Variants in PSG5 observed in about 807,000 individuals in gnomAD.
PSG5 encodes pregnancy-specific beta-1-glycoprotein 5.
Under a neutral mutation model 37.7 loss-of-function variants are expected in PSG5, and 53 were observed. The observed-to-expected ratio is 1.41, with a 90% CI of 1.13 to 1.77. The LOEUF (loss-of-function observed/expected upper bound fraction) is 1.77, where lower values mean the gene tolerates loss of function less well. Ranked by LOEUF, PSG5 falls within the 40% of genes most tolerant of loss-of-function variation. The pLI is 0.00. For missense variants in PSG5, 547 were observed against 405.2 expected (o/e 1.35, Z -3.00); for synonymous variants, 221 against 155.4 (o/e 1.42, Z -3.14).
In PSG5 at chr19:43,175,582, GC is replaced by G. The variant is rs1014269691; in HGVS notation, c.710-114del. On this transcript the variant is annotated intron_variant, in intron 3 of 5. Transcript: ENST00000342951. ...AGCCAAGACACACCCTCAAGTCCCA[GC>G]CGAACCCCCACTATATTCACTGAGC... 2.0e-6 allele frequency: 3 copies of G among 1,476,144 alleles called. 1 individual carries two copies. In the African/African-American group the frequency reaches 4.3e-5, roughly 21 times the overall value. The allele number at this position is 1,476,144 out of a possible 1,614,324, so 91.4% of individuals were successfully genotyped here. A position where few individuals can be genotyped will look rare whatever the true frequency, so the allele number is the denominator to read the frequency against.
rs762206056 is a variant in PSG5 at position 43,176,114 on chromosome 19, G to C, written c.465C>G (p.Asn155Lys). ...KLPKPYITINNSKPRENKDVL... is the reference protein window; with the variant it reads ...KLPKPYITINKSKPRENKDVL... ...CATCCTTATTCTCCCTGGGTTTTGA[G>C]TTGTTGATGGTGATGTAGGGCTTGG... The change falls in exon 3 of 6, where the codon AAC becomes AAG. Residue 155 changes from asparagine to lysine, a missense_variant. Asn to Lys is a moderately conservative substitution (Grantham distance 94). Transcript: ENST00000342951. The C allele has an allele frequency of 6.2e-7, 1 of 1,611,318 alleles. No individual in the cohort carries two copies. The highest frequency in any genetic ancestry group is 2.2e-5 in the East Asian group (1 of 44,878).
rs910315184 is a variant in PSG5 at position 43,185,433 on chromosome 19, C to T, written c.65-286G>A. Among the ~76,000 whole-genome samples the T allele has an allele frequency of 2.1e-5, 3 of 143,938 alleles. 1 individual carries two copies. Among genetic ancestry groups the T allele is most frequent in the Admixed American group, 6.9e-5 (1 of 14,526 alleles). The allele number at this position is 143,938 out of a possible 152,430, so 94.4% of individuals were successfully genotyped here. On this transcript the variant is annotated intron_variant, in intron 1 of 5. Transcript: ENST00000342951. Reference sequence around the variant, plus strand: ...TTCCCCAGGGGTCCACACGGCACCCCCCCCCCCCCACACTGCCCTCAGGTC... The same window carrying T: ...TTCCCCAGGGGTCCACACGGCACCCTCCCCCCCCCACACTGCCCTCAGGTC...
At chr19:43,178,395 A>T (rs1201717625) in intron 2 of PSG5, among the ~76,000 whole-genome samples, 1 of 151,742 alleles carries the variant, frequency 6.6e-6, no homozygotes, top group South Asian at 2.1e-4. Context: ...AGTGGGTGAG[A>T]GTCTGTGAGG....
chr19:43,179,854 T>G (rs1969091000), intron 2 of PSG5, among the ~76,000 whole-genome samples: 1 of 151,236 alleles, frequency 6.6e-6, no homozygotes, highest in Non-Finnish European at 1.5e-5. Flanking sequence ...CAAGAGCTGA[T>G]AGCTTTGGAC....
chr19:43,184,805 C>T lies in PSG5; in HGVS notation c.407G>A (p.Gly136Glu). 1 of 1,612,280 alleles carries T rather than the reference C, an allele frequency of 6.2e-7. No individual in the cohort carries two copies. The highest frequency in any genetic ancestry group is 1.1e-5 in the South Asian group (1 of 90,994). The change falls in exon 2 of 6, where the codon GGA becomes GAA. Residue 136 changes from glycine (G) to glutamate (E), a missense_variant. Transcript: ENST00000342951. Reference sequence around the variant, plus strand: ...ACGGTATAAGTTGAAGGTGAAATATCCAGTTACTCCTCTAGTCCTATCACC... The same window carrying T: ...ACGGTATAAGTTGAAGGTGAAATATTCAGTTACTCCTCTAGTCCTATCACC... ...KRGDRTRGVT[G>E]YFTFNLYLKL...
chr19:43,170,420 T>A, intron 4 of PSG5: 1 of 449,512 alleles, frequency 2.2e-6, no homozygotes, highest in Non-Finnish European at 4.1e-6. Context: ...ATTTTCTATG[T>A]CATTAGAACT....
chr19:43,181,454 T>G (rs564060315), intron 2 of PSG5, among the ~76,000 whole-genome samples: 2 of 151,666 alleles, frequency 1.3e-5, no homozygotes, highest in Admixed American at 1.3e-4. Flanking sequence ...ATTCTTCATT[T>G]CTCTAACAGC....
intron 4 of PSG5, chr19:43,174,542 A>G: frequency 1.2e-6 from 1 of 866,412 alleles, no homozygotes; most frequent in South Asian, 5.2e-5. Flanking sequence ...CAGAGCCAGG[A>G]CGCAACGCAG....
rs1454784103 is a variant in PSG5 at position 43,175,466 on chromosome 19, C to T, written c.713G>A (p.Gly238Asp). 1 of 1,604,254 alleles carries T rather than the reference C, an allele frequency of 6.2e-7. No homozygotes were observed. Among genetic ancestry groups the T allele is most frequent in the Non-Finnish European group, 8.5e-7 (1 of 1,174,990 alleles). ...SDPVTLNVLY[G>D]PDLPSIYPSF... The stretch of plus-strand genomic sequence containing the variant: ...AGGGTAAATGCTGGGGAGGTCTGGA[C>T]CATCTGGAGCAAAGAGAATGAAGCC... The change falls in exon 4 of 6, where the codon GGT becomes GAT. Residue 238 changes from glycine to aspartate, a missense_variant. Gly to Asp is a moderately conservative substitution (Grantham distance 94). Coordinates refer to ENST00000342951, the MANE Select transcript of PSG5 (RefSeq NM_002781.4).
At position 43,177,158 on chromosome 19, in the gene PSG5, TG is replaced by T. The variant is rs576779210; in HGVS notation, c.431-1011del. Reference sequence around the variant, plus strand: ...GACCTCATGTAAGTGGATTCCAGAGTGAATATGAGAAGAGACTGCTGTTTGC... The same window carrying T: ...GACCTCATGTAAGTGGATTCCAGAGTAATATGAGAAGAGACTGCTGTTTGC... On this transcript the variant is annotated intron_variant, in intron 2 of 5. Coordinates refer to ENST00000342951, the MANE Select transcript of PSG5 (RefSeq NM_002781.4). Among the ~76,000 whole-genome samples the T allele has an allele frequency of 1.7e-3, 258 of 151,324 alleles. 4 individuals carry two copies. The highest frequency in any genetic ancestry group is 5.9e-3 in the African/African-American group (242 of 41,090).
intron 2 of PSG5, among the ~76,000 whole-genome samples, chr19:43,183,118 C>A (rs1327218330): frequency 6.6e-6 from 1 of 151,136 alleles, no homozygotes; most frequent in Non-Finnish European, 1.5e-5. Flanking sequence ...GAGGCAGAGA[C>A]ACCATGGCAG....
intron 3 of PSG5, 55 bp from the exon 4 acceptor site, chr19:43,175,524 C>G: frequency 6.4e-7 from 1 of 1,559,466 alleles, no homozygotes; most frequent in East Asian, 2.2e-5. Flanking sequence ...AGGGGATGCT[C>G]CTGGTCTCTT....
Position 43,175,450 on chromosome 19 carries a change from G to T in PSG5, c.729C>A (p.Ser243Arg), listed in dbSNP as rs770053155. The change falls in exon 4 of 6, where the codon AGC becomes AGA. Residue 243 changes from serine (S) to arginine (R), a missense_variant. By Grantham distance (110) the Ser-to-Arg change is moderately radical. Transcript: ENST00000342951. ...GGTAATAGGTGAATGAAGGGTAAATGCTGGGGAGGTCTGGACCATCTGGAG... is the reference window on the plus strand; with the variant it reads ...GGTAATAGGTGAATGAAGGGTAAATTCTGGGGAGGTCTGGACCATCTGGAG... ...LNVLYGPDLP[S>R]IYPSFTYYRS... 3.1e-5 allele frequency: 50 copies of T among 1,611,160 alleles called. No homozygotes were observed. The highest frequency in any genetic ancestry group is 2.5e-4 in the East Asian group (11 of 44,870).
chr19:43,182,104 A>C (rs1352142378), intron 2 of PSG5, among the ~76,000 whole-genome samples: 1 of 151,700 alleles, frequency 6.6e-6, no homozygotes, highest in Non-Finnish European at 1.5e-5. Context: ...GGCCAGGCTA[A>C]CCTTGGGAGG....
At position 43,175,226 on chromosome 19, in the gene PSG5, A is replaced by C; in HGVS notation, c.953T>G (p.Val318Gly). ...TGGGATCCACTTACCAGAGACTTCG[A>C]CTGTCATGGATTTGGAGCTTTCCTT... is the stretch of plus-strand genomic sequence containing the variant. ...TGKESSKSMT[V>G]EVSAPSGIGR... Residue 318 changes from valine to glycine, a missense_variant, in exon 4 of 6, where the codon GTC (valine) becomes GGC (glycine). Physicochemically the swap from Val to Gly is moderately radical, Grantham distance 109 (BLOSUM62 -3). Transcript: ENST00000342951. The C allele has an allele frequency of 6.2e-7, 1 of 1,612,682 alleles. No homozygotes were observed. The highest frequency in any genetic ancestry group is 8.5e-7 in the Non-Finnish European group (1 of 1,179,130).
intron 2 of PSG5, among the ~76,000 whole-genome samples, chr19:43,177,467 G>A (rs181183452): frequency 8.0e-5 from 12 of 150,596 alleles, no homozygotes; most frequent in East Asian, 5.8e-4. Context: ...TCAGATTAGT[G>A]GGCAAAAGTG....
chr19:43,169,084 A>G (rs1202721488), intron 5 of PSG5, among the ~76,000 whole-genome samples: 2 of 151,656 alleles, frequency 1.3e-5, no homozygotes, highest in African/African-American at 4.9e-5. Context: ...ACTTTTAAAA[A>G]TGCTTTCCAG....
intron 2 of PSG5, among the ~76,000 whole-genome samples, chr19:43,184,333 C>T (rs916208790): frequency 1.3e-5 from 2 of 151,590 alleles, no homozygotes; most frequent in Admixed American, 6.6e-5. Context: ...AAGCCACAAC[C>T]CAGCACTGGC....
Position 43,178,230 on chromosome 19 carries a change from G to C in PSG5, c.431-2082C>G, listed in dbSNP as rs372897924. Among the ~76,000 whole-genome samples the C allele has an allele frequency of 3.9e-4, 59 of 151,654 alleles. 2 individuals carry two copies. Among genetic ancestry groups the C allele is most frequent in the East Asian group, 1.2e-3 (6 of 5,174 alleles). On this transcript the variant is annotated intron_variant, in intron 2 of 5. Transcript: ENST00000342951. ...ATGCTCCAGGGATCCACTTACCAGG[G>C]ACTATGATCCTCTTGATTATGAGAT...
Sources: allele counts gnomAD v4.1 joint callset (sites outside exome capture counted in the v4.1 genomes callset), GRCh38; gene constraint gnomAD v4.1.1; transcripts MANE v1.5; gene names NCBI Gene and HGNC (gene_info 2026-07-23, HGNC 2026-07-21).